Variants in MAPK10 observed in about 807,000 individuals in gnomAD.
The protein encoded by MAPK10 is mitogen-activated protein kinase 10.
In MAPK10, 25 loss-of-function variants were observed where a neutral mutation model predicts 59.3. The ratio of observed to expected loss-of-function variants is 0.42; its 90% CI spans 0.31 to 0.59. The LOEUF is 0.59. MAPK10 is among the 20% of genes least tolerant of loss of function. The pLI is 0.15. For synonymous variants in MAPK10, 190 were observed against 200.5 expected (o/e 0.95, Z 0.44); for missense variants, 351 against 568.9 (o/e 0.62, Z 3.90).
chr4:86,313,657 CA>C (rs2148875170), intron 2 of MAPK10, among the ~76,000 whole-genome samples: 1 of 152,200 alleles, frequency 6.6e-6, no homozygotes, highest in East Asian at 1.9e-4. Context: ...TTTAAAACCA[CA>C]ATAAGATATC....
chr4:86,430,722 G>A (rs1192826766), intron 1 of MAPK10, among the ~76,000 whole-genome samples: 1 of 152,134 alleles, frequency 6.6e-6, no homozygotes, highest in African/African-American at 2.4e-5. Flanking sequence ...GGCAGTACAT[G>A]TGAAGGCCCT....
chr4:86,176,474 A>C (rs759333514), intron 3 of MAPK10, among the ~76,000 whole-genome samples: 28 of 152,188 alleles, frequency 1.8e-4, no homozygotes, highest in Non-Finnish European at 3.8e-4. Context: ...AAAAGAAGTC[A>C]AAATCTGACC....
chr4:86,234,954 AAAGAG>A (rs1231178799), intron 2 of MAPK10, among the ~76,000 whole-genome samples: 3 of 152,200 alleles, frequency 2.0e-5, no homozygotes, highest in African/African-American at 4.8e-5. Context: ...GATTAGGAGA[AAAGAG>A]AAGAGTTTTA....
At chr4:86,035,932 A>C (rs1708967962) in intron 11 of MAPK10, among the ~76,000 whole-genome samples, 1 of 152,354 alleles carries the variant, frequency 6.6e-6, no homozygotes, top group African/African-American at 2.4e-5. Flanking sequence ...AAACTATGAC[A>C]GTGGATGAGG....
At chr4:86,455,374 A>G (rs1751140284), upstream of MAPK10, among the ~76,000 whole-genome samples, 1 of 152,164 alleles carries the variant, frequency 6.6e-6, no homozygotes, top group Non-Finnish European at 1.5e-5. Flanking sequence ...CCAGCCAACT[A>G]GAGACACACC....
intron 2 of MAPK10, among the ~76,000 whole-genome samples, chr4:86,238,463 T>G (rs1228256161): frequency 6.6e-6 from 1 of 152,230 alleles, no homozygotes; most frequent in Non-Finnish European, 1.5e-5. Context: ...ACGATATTGT[T>G]TATTCCTTTC....
intron 1 of MAPK10, among the ~76,000 whole-genome samples, chr4:86,563,934 C>A (rs770181493): frequency 1.3e-5 from 2 of 152,142 alleles, no homozygotes; most frequent in Non-Finnish European, 2.9e-5. Context: ...CGTATTCAAG[C>A]GATTCTCCTG....
At chr4:86,266,807 C>A (rs921399014) in intron 2 of MAPK10, among the ~76,000 whole-genome samples, 2 of 151,944 alleles carry the variant, frequency 1.3e-5, no homozygotes, top group African/African-American at 4.8e-5. Flanking sequence ...TCTAAACAAC[C>A]AGACCTAGGC....
chr4:86,530,958 A>C (rs1757806809), intron 1 of MAPK10, among the ~76,000 whole-genome samples: 1 of 152,220 alleles, frequency 6.6e-6, no homozygotes, highest in South Asian at 2.1e-4. Flanking sequence ...AGGACTTCTC[A>C]GGGCTGCCTA....
rs112744736 is a variant in MAPK10 at position 86,303,435 on chromosome 4, G to GA, written c.-7+51094dup. Among the ~76,000 whole-genome samples, 100 of 150,852 alleles carry GA rather than the reference G, an allele frequency of 6.6e-4. 1 individual carries two copies. The highest frequency in any genetic ancestry group is 2.3e-3 in the African/African-American group (94 of 41,182). On this transcript the variant is annotated intron_variant, in intron 2 of 13. Transcript: ENST00000641462. ...GCAAAGGAAGAAGTGATATAAAGAT[G>GA]AAAAAAAAAGTTTTCTGCTTTTAAA...
intron 2 of MAPK10, among the ~76,000 whole-genome samples, chr4:86,216,345 G>A (rs1379292151): frequency 6.9e-6 from 1 of 144,604 alleles, no homozygotes; most frequent in Non-Finnish European, 1.5e-5. Context: ...CAATAGAAAA[G>A]TATTCACCCT....
At chr4:86,195,487 T>G (rs1195533684) in intron 2 of MAPK10, among the ~76,000 whole-genome samples, 1 of 152,184 alleles carries the variant, frequency 6.6e-6, no homozygotes, top group South Asian at 2.1e-4. Context: ...AAAGAATACA[T>G]GCAGAGAAGT....
rs185055955 is a variant in MAPK10 at position 86,204,973 on chromosome 4, C to A, written c.-6-10566G>T. Among the ~76,000 whole-genome samples, 21 of 151,896 alleles carry A rather than the reference C, an allele frequency of 1.4e-4. No homozygotes were observed. In the East Asian group the frequency reaches 3.1e-3, roughly 22 times the overall value. Reference sequence around the variant, plus strand: ...GAGATGGAATATAACAAGAAGTCAACACAAACAATTCTACAATAACCGTAA... The same window carrying A: ...GAGATGGAATATAACAAGAAGTCAAAACAAACAATTCTACAATAACCGTAA... On this transcript the variant is annotated intron_variant, in intron 2 of 13. Transcript: ENST00000641462.
At chr4:86,433,837 T>G (rs2149042909) in intron 1 of MAPK10, among the ~76,000 whole-genome samples, 1 of 152,184 alleles carries the variant, frequency 6.6e-6, no homozygotes, top group African/African-American at 2.4e-5. Flanking sequence ...CAGCTGAACC[T>G]CATGACACAT....
chr4:86,260,957 T>G (rs1460757), intron 2 of MAPK10, among the ~76,000 whole-genome samples: 64,754 of 151,870 alleles, frequency 0.43, 15,533 homozygotes, highest in African/African-American at 0.65. Context: ...CCAGTGGGGA[T>G]AATTTTTTAC....
intron 9 of MAPK10, among the ~76,000 whole-genome samples, chr4:86,075,577 G>A (rs555277177): frequency 1.3e-5 from 2 of 152,162 alleles, no homozygotes; most frequent in Non-Finnish European, 2.9e-5. Context: ...TTTTCAGTGT[G>A]GATGTCCTTT....
rs1355816526 is a variant in MAPK10 at position 86,323,815 on chromosome 4, T to A, written c.-7+30715A>T. 4.6e-5 allele frequency among the ~76,000 whole-genome samples: 7 copies of A among 152,312 alleles called. No individual in the cohort carries two copies. The East Asian group carries it at 1.3e-3, about 29-fold the overall frequency. On this transcript the variant is annotated intron_variant, in intron 2 of 13. Transcript: ENST00000641462. ...AAGAGTTGAACCACTAAAGAAAATA[T>A]ACATTGAGAAAATTTGTGTAAAAAT... is the stretch of plus-strand genomic sequence containing the variant.
At chr4:86,349,272 GC>G (rs1390952219) in intron 2 of MAPK10, among the ~76,000 whole-genome samples, 1 of 152,160 alleles carries the variant, frequency 6.6e-6, no homozygotes, top group Non-Finnish European at 1.5e-5. Context: ...AATTTGTGAT[GC>G]CTTTGTGTAA....
At chr4:86,292,115 GCAAGGT>G (rs2095244698) in intron 2 of MAPK10, among the ~76,000 whole-genome samples, 1 of 152,132 alleles carries the variant, frequency 6.6e-6, no homozygotes, top group Non-Finnish European at 1.5e-5. Context: ...CAAGAACACT[GCAAGGT>G]TTTCAATATT....
Sources: gnomAD v4.1 joint callset for allele counts (sites outside exome capture counted in the v4.1 genomes callset) on GRCh38, gnomAD v4.1.1 for gene constraint, MANE v1.5 for transcripts, NCBI Gene and HGNC (gene_info 2026-07-23, HGNC 2026-07-21) for gene names.